Variants in STK32B observed in about 807,000 individuals in gnomAD.
The protein encoded by STK32B is serine/threonine-protein kinase 32B.
A neutral mutation model predicts 52.6 loss-of-function variants in STK32B; 43 were observed. The observed-to-expected ratio is 0.82, with a 90% confidence interval of 0.64 to 1.05. The LOEUF (loss-of-function observed/expected upper bound fraction) is 1.05, where lower values mean the gene tolerates loss of function less well. Ranked by LOEUF, STK32B falls within the 50% of genes least tolerant of loss-of-function variation. The pLI is 0.00. For synonymous variants in STK32B, 238 were observed against 204.3 expected, an observed-to-expected ratio of 1.17 and a Z score of -1.41; for missense variants, 621 against 534.6, an observed-to-expected ratio of 1.16 and a Z score of -1.59.
At chr4:5,153,140 A>G (rs1717510510) in intron 2 of STK32B, among the ~76,000 whole-genome samples, 1 of 152,228 alleles carries the variant, frequency 6.6e-6, no homozygotes, top group Non-Finnish European at 1.5e-5. Flanking sequence ...CTTCTATCAC[A>G]GGCACATCTG....
chr4:5,405,312 G>T (rs1737585422), intron 5 of STK32B, among the ~76,000 whole-genome samples: 1 of 151,818 alleles, frequency 6.6e-6, no homozygotes, highest in South Asian at 2.1e-4. Flanking sequence ...CCCATTCCTG[G>T]TAAGAGGAAC....
chr4:5,313,809 A>G (rs1730475829), intron 3 of STK32B, among the ~76,000 whole-genome samples: 1 of 152,194 alleles, frequency 6.6e-6, no homozygotes, highest in South Asian at 2.1e-4. Flanking sequence ...GAACATGTGG[A>G]AAGCAACAAT....
intron 3 of STK32B, among the ~76,000 whole-genome samples, chr4:5,201,408 G>A (rs1722132285): frequency 6.6e-6 from 1 of 152,166 alleles, no homozygotes; most frequent in Admixed American, 6.5e-5. Context: ...AACCGTGGAA[G>A]CTTCCAGCTC....
chr4:5,027,979 A>G, the STK32B span, among the ~76,000 whole-genome samples: 1 of 152,236 alleles, frequency 6.6e-6, no homozygotes, highest in East Asian at 1.9e-4. Flanking sequence ...GGACATCATC[A>G]GCTGCCCTGC....
At chr4:5,255,471 T>G (rs1726234178) in intron 3 of STK32B, among the ~76,000 whole-genome samples, 1 of 152,176 alleles carries the variant, frequency 6.6e-6, no homozygotes, top group South Asian at 2.1e-4. Flanking sequence ...TGAATTGGTC[T>G]TAACCAGATA....
At chr4:5,431,403 T>C (rs1010077191) in intron 6 of STK32B, among the ~76,000 whole-genome samples, 34 of 152,356 alleles carry the variant, frequency 2.2e-4, no homozygotes, top group Admixed American at 1.6e-3. Context: ...TCCCATACGC[T>C]ATTTAGAAGT....
intron 3 of STK32B, among the ~76,000 whole-genome samples, chr4:5,259,970 A>G (rs905987937): frequency 2.6e-5 from 4 of 152,142 alleles, no homozygotes; most frequent in African/African-American, 7.2e-5. Flanking sequence ...ACTGAGGAGC[A>G]TAAGTGTGCA....
In STK32B at chr4:5,470,934, C is replaced by T. The variant is rs1717806300; in HGVS notation, c.1106+2864C>T. Reference sequence around the variant, plus strand: ...GGTCAGGGGGAGCCAAGCATCAAGCCAGGCTTGTCGTCATGCTCCGCCTGG... The same window carrying T: ...GGTCAGGGGGAGCCAAGCATCAAGCTAGGCTTGTCGTCATGCTCCGCCTGG... On this transcript the variant is annotated intron_variant, in intron 11 of 11. Coordinates refer to ENST00000282908, the MANE Select transcript of STK32B (RefSeq NM_018401.3). This position sits in a 1 kb window ranked among gnomAD's most constrained non-coding sequence, Gnocchi z 4.6. Among the ~76,000 whole-genome samples, 1 of 152,338 alleles carries T rather than the reference C, an allele frequency of 6.6e-6. No individual in the cohort carries two copies. Among genetic ancestry groups the T allele is most frequent in the East Asian group, 1.9e-4 (1 of 5,172 alleles).
At chr4:5,145,950 CTA>C (rs1285199219) in intron 2 of STK32B, among the ~76,000 whole-genome samples, 4 of 151,782 alleles carry the variant, frequency 2.6e-5, no homozygotes, top group Admixed American at 2.6e-4. Flanking sequence ...AGATATTTTT[CTA>C]TGTTTACTTT....
intron 1 of STK32B, among the ~76,000 whole-genome samples, chr4:5,131,542 G>T (rs934668759): frequency 2.0e-5 from 3 of 152,078 alleles, no homozygotes; most frequent in African/African-American, 7.2e-5. Context: ...GCCCTGCATG[G>T]CCAGCTCATG....
chr4:5,320,659 G>A (rs575687094), intron 3 of STK32B, among the ~76,000 whole-genome samples: 9 of 152,228 alleles, frequency 5.9e-5, no homozygotes, highest in East Asian at 3.9e-4. Flanking sequence ...AGGGATGTGC[G>A]TCTTAGACAC....
intron 4 of STK32B, among the ~76,000 whole-genome samples, chr4:5,331,994 A>C (rs1266803245): frequency 6.6e-6 from 1 of 152,206 alleles, no homozygotes; most frequent in African/African-American, 2.4e-5. Context: ...TCATTCATAA[A>C]TGTTCTCACT....
Position 5,253,877 on chromosome 4 carries a change from T to C in STK32B, c.261-77343T>C, listed in dbSNP as rs1269105377. Among the ~76,000 whole-genome samples the C allele has an allele frequency of 7.2e-5, 11 of 152,342 alleles. No individual in the cohort carries two copies. In the East Asian group the frequency reaches 1.7e-3, roughly 24 times the overall value. On this transcript the variant is annotated intron_variant, in intron 3 of 11. Transcript: ENST00000282908. Reference sequence around the variant, plus strand: ...GTGTTGTTTTGAGCATTACATGAAATAATGTATGTAAAGTGCCAGGCAACA... The same window carrying C: ...GTGTTGTTTTGAGCATTACATGAAACAATGTATGTAAAGTGCCAGGCAACA...
At chr4:5,312,368 C>T (rs1216060482) in intron 3 of STK32B, among the ~76,000 whole-genome samples, 17 of 151,380 alleles carry the variant, frequency 1.1e-4, no homozygotes, top group African/African-American at 3.4e-4. Flanking sequence ...ACATGTGCCA[C>T]GCTGGTGTGC....
At chr4:5,065,842 G>C (rs1325767514) in intron 1 of STK32B, among the ~76,000 whole-genome samples, 3 of 152,108 alleles carry the variant, frequency 2.0e-5, no homozygotes, top group Non-Finnish European at 4.4e-5. Flanking sequence ...TCCTGCCTCA[G>C]CCTGCCAAAT....
At position 5,357,022 on chromosome 4, in the gene STK32B, TAC is replaced by T. The variant is rs550771167; in HGVS notation, c.434+25647_434+25648del. On this transcript the variant is annotated intron_variant, in intron 4 of 11. Coordinates refer to ENST00000282908, the MANE Select transcript of STK32B (RefSeq NM_018401.3). ...TCTCATATGTGTATATATATATATA[TAC>T]ACACACACACACACACATATATACA... 2.3e-3 allele frequency among the ~76,000 whole-genome samples: 333 copies of T among 145,504 alleles called. 1 individual carries two copies. The highest frequency in any genetic ancestry group is 8.2e-3 in the South Asian group (38 of 4,630).
intron 3 of STK32B, among the ~76,000 whole-genome samples, chr4:5,234,573 G>A (rs770072352): frequency 6.6e-6 from 1 of 152,220 alleles, no homozygotes; most frequent in Non-Finnish European, 1.5e-5. Flanking sequence ...ATAGGCTTAT[G>A]AACTCATTCC....
At chr4:5,167,630 G>A (rs1718980321) in intron 2 of STK32B, among the ~76,000 whole-genome samples, 1 of 152,212 alleles carries the variant, frequency 6.6e-6, no homozygotes, top group African/African-American at 2.4e-5. Flanking sequence ...GTGGGGCTAG[G>A]CAAACTTACA....
intron 1 of STK32B, among the ~76,000 whole-genome samples, chr4:5,072,081 T>C (rs1343246492): frequency 6.6e-6 from 1 of 152,156 alleles, no homozygotes; most frequent in African/African-American, 2.4e-5. Flanking sequence ...GGTGTTAGAT[T>C]CTGATATAAA....
Sources: allele counts gnomAD v4.1 joint callset (sites outside exome capture counted in the v4.1 genomes callset), GRCh38; gene constraint gnomAD v4.1.1; non-coding constraint Gnocchi (gnomAD v3.1); transcripts MANE v1.5; gene names NCBI Gene and HGNC (gene_info 2026-07-23, HGNC 2026-07-21).